Variants in LGMN observed in about 807,000 individuals in gnomAD.
LGMN encodes the protein legumain.
In LGMN, 36 loss-of-function variants were observed where a neutral mutation model predicts 56.8. The observed-to-expected ratio is 0.63, with a 90% CI of 0.49 to 0.84. The LOEUF (loss-of-function observed/expected upper bound fraction) is 0.84. LGMN is among the 40% of genes least tolerant of loss of function. The pLI is 0.00. For missense variants in LGMN, 446 were observed against 556.1 expected (o/e 0.80, Z 1.99); for synonymous variants, 199 against 210.1 (o/e 0.95, Z 0.46).
In LGMN at chr14:92,711,661, T is replaced by G. The variant is rs144545825; in HGVS notation, c.817A>C (p.Lys273Gln). 1.0e-4 allele frequency: 162 copies of G among 1,614,068 alleles called. No individual in the cohort carries two copies. The highest frequency in any genetic ancestry group is 3.8e-4 in the Admixed American group (23 of 60,014). Residue 273 changes from lysine (K) to glutamine (Q), a missense_variant and splice_region_variant, in exon 10 of 14, where the codon AAA (lysine) becomes CAA (glutamine). Physicochemically the swap from Lys to Gln is moderately conservative, Grantham distance 53. Coordinates refer to ENST00000334869, the MANE Select transcript of LGMN (RefSeq NM_005606.7). ...NTSHVMQYGN[K>Q]TISTMKVMQF... Reference sequence around the variant, plus strand: ...AGCACGCGAGGCTCCCGACTCACTTTGTTTCCATACTGCATGACGTGGCTG... The same window carrying G: ...AGCACGCGAGGCTCCCGACTCACTTGGTTTCCATACTGCATGACGTGGCTG...
At chr14:92,729,421 C>T (rs975469948) in intron 2 of LGMN, among the ~76,000 whole-genome samples, 8 of 141,242 alleles carry the variant, frequency 5.7e-5, no homozygotes, top group African/African-American at 2.2e-4. Flanking sequence ...TCACCCCATG[C>T]TCAGGACACA....
At chr14:92,745,389 T>C (rs1891772091) in intron 1 of LGMN, among the ~76,000 whole-genome samples, 3 of 152,220 alleles carry the variant, frequency 2.0e-5, no homozygotes, top group Non-Finnish European at 2.9e-5. Flanking sequence ...CATTAACCTA[T>C]AGAAATGTAC....
chr14:92,730,108 G>A (rs906815293), intron 2 of LGMN, among the ~76,000 whole-genome samples: 1 of 152,152 alleles, frequency 6.6e-6, no homozygotes, highest in Non-Finnish European at 1.5e-5. Context: ...GAGTAATCGT[G>A]TTAACTCTCT....
At position 92,703,829 on chromosome 14, in the gene LGMN, T is replaced by G; in HGVS notation, c.*490A>C. On this transcript the variant is annotated 3_prime_UTR_variant, in exon 14 of 14. Coordinates refer to ENST00000334869, the MANE Select transcript of LGMN (RefSeq NM_005606.7). ...GAATATTTGGGTTCTGTTATAAATC[T>G]TTATTTTTTAAGACTTGAACACCTG... 2 of 324,004 alleles carry G rather than the reference T, an allele frequency of 6.2e-6. No individual in the cohort carries two copies. Among genetic ancestry groups the G allele is most frequent in the Non-Finnish European group, 1.2e-5 (2 of 171,592 alleles). The allele number at this position is 324,004 out of a possible 1,614,324, so 20.1% of individuals were successfully genotyped here. A position where few individuals can be genotyped will look rare whatever the true frequency, so the allele number is the denominator to read the frequency against.
In LGMN at chr14:92,708,856, C is replaced by CAAAAAAAAAAAAAAAAAAA. The variant is rs58813848; in HGVS notation, c.1020+797_1020+815dup. Reference sequence around the variant, plus strand: ...TGGCGACAGAGCAAGACTCTTGTCTCAAAAAAAAAAAAAAAAAAAAAAAAA... The same window carrying CAAAAAAAAAAAAAAAAAAA: ...TGGCGACAGAGCAAGACTCTTGTCTCAAAAAAAAAAAAAAAAAAAAAAAAAAAAAAAAAAAAAAAAAAAA... On this transcript the variant is annotated intron_variant, in intron 11 of 13. Coordinates refer to ENST00000334869, the MANE Select transcript of LGMN (RefSeq NM_005606.7). Among the ~76,000 whole-genome samples the CAAAAAAAAAAAAAAAAAAA allele has an allele frequency of 2.9e-4, 21 of 71,640 alleles. 2 individuals are homozygous for CAAAAAAAAAAAAAAAAAAA. The highest frequency in any genetic ancestry group is 6.7e-4 in the African/African-American group (13 of 19,472). The allele number at this position is 71,640 out of a possible 152,430, so 47.0% of individuals were successfully genotyped here.
intron 4 of LGMN, among the ~76,000 whole-genome samples, chr14:92,716,612 A>T (rs1186423696): frequency 6.6e-6 from 1 of 152,202 alleles, no homozygotes; most frequent in Non-Finnish European, 1.5e-5. Flanking sequence ...CAGCCTGGGT[A>T]ACAGTGCAAG....
In LGMN at chr14:92,703,980, C is replaced by T. The variant is rs904592991; in HGVS notation, c.*339G>A. 1.7e-5 allele frequency: 10 copies of T among 604,262 alleles called. No individual in the cohort carries two copies. Among genetic ancestry groups the T allele is most frequent in the South Asian group, 1.5e-4 (8 of 51,718 alleles). The allele number at this position is 604,262 out of a possible 1,614,324, so 37.4% of individuals were successfully genotyped here. A position where few individuals can be genotyped will look rare whatever the true frequency, so the allele number is the denominator to read the frequency against. ...TAAAGAGGTTTCAGCTTCAAATTCTCAGAATAAAGACTCCTTTTGAGAGGG... is the reference window on the plus strand; with the variant it reads ...TAAAGAGGTTTCAGCTTCAAATTCTTAGAATAAAGACTCCTTTTGAGAGGG... On this transcript the variant is annotated 3_prime_UTR_variant, in exon 14 of 14. Transcript: ENST00000334869.
At chr14:92,720,105 GC>G (rs1335703464) in intron 2 of LGMN, among the ~76,000 whole-genome samples, 1 of 152,212 alleles carries the variant, frequency 6.6e-6, no homozygotes, top group Non-Finnish European at 1.5e-5. Context: ...TTGGTATACA[GC>G]TTTTGAAGGC....
intron 1 of LGMN, among the ~76,000 whole-genome samples, chr14:92,746,051 G>T (rs1311630033): frequency 6.6e-6 from 1 of 152,092 alleles, no homozygotes; most frequent in Non-Finnish European, 1.5e-5. Context: ...TTGATCTCCT[G>T]ACGTCATGAT....
At chr14:92,745,787 A>C (rs1480982997) in intron 1 of LGMN, among the ~76,000 whole-genome samples, 3 of 152,188 alleles carry the variant, frequency 2.0e-5, no homozygotes, top group African/African-American at 7.2e-5. Context: ...TACACTGCTC[A>C]AAGATACACT....
intron 1 of LGMN, among the ~76,000 whole-genome samples, chr14:92,738,301 CAG>C (rs1380260494): frequency 6.7e-6 from 1 of 148,430 alleles, no homozygotes; most frequent in African/African-American, 2.5e-5. Context: ...TTTTTTGAGA[CAG>C]AGTCTTGCTC....
chr14:92,719,183 TCACCACCACCGCCACCAA>T (rs1356012565), intron 2 of LGMN, among the ~76,000 whole-genome samples: 18 of 22,094 alleles, frequency 8.1e-4, no homozygotes, highest in Admixed American at 8.5e-4. Context: ...ACCACCACCA[TCACCACCACCGCCACCAA>T]CACCACCACC....
chr14:92,720,397 A>G (rs1674152058), intron 2 of LGMN, among the ~76,000 whole-genome samples: 1 of 152,226 alleles, frequency 6.6e-6, no homozygotes, highest in Non-Finnish European at 1.5e-5. Context: ...GCCAGGCACA[A>G]TGGCTCATGC....
chr14:92,718,614 C>T, intron 3 of LGMN, 133 bp downstream of exon 3: 1 of 510,216 alleles, frequency 2.0e-6, no homozygotes, highest in South Asian at 3.3e-5. Flanking sequence ...CATGAGGTAT[C>T]CCTGTGATCT....
intron 3 of LGMN, among the ~76,000 whole-genome samples, chr14:92,718,452 C>T (rs1256050984): frequency 6.6e-6 from 1 of 152,238 alleles, no homozygotes; most frequent in East Asian, 1.9e-4. Context: ...TGCACACCTG[C>T]AGTCCCAGCT....
rs192081867 is a variant in LGMN at position 92,746,920 on chromosome 14, T to C, written c.-30+1569A>G. Among the ~76,000 whole-genome samples, 1,295 of 150,356 alleles carry C rather than the reference T, an allele frequency of 8.6e-3. 16 individuals carry two copies. The highest frequency in any genetic ancestry group is 0.03 in the African/African-American group (1,215 of 40,848). ...GCGTGGTGGCGGGCGCCTGTAGTCC[T>C]AGCTACTCGGGAGGCCGAGGCAGGA... is the stretch of plus-strand genomic sequence containing the variant. On this transcript the variant is annotated intron_variant, in intron 1 of 13. Coordinates refer to ENST00000334869, the MANE Select transcript of LGMN (RefSeq NM_005606.7).
chr14:92,706,842 A>G (rs1889458789), intron 11 of LGMN, among the ~76,000 whole-genome samples, 189 bp from the exon 12 acceptor site: 1 of 152,164 alleles, frequency 6.6e-6, no homozygotes, highest in Admixed American at 6.5e-5. Flanking sequence ...TGCGACGGTC[A>G]GAAAGACCTG....
chr14:92,727,411 C>T (rs1217126473), intron 2 of LGMN, among the ~76,000 whole-genome samples: 1 of 120,746 alleles, frequency 8.3e-6, no homozygotes. Flanking sequence ...GCCTGGGTGG[C>T]AGAGCAAGAC....
chr14:92,746,315 CT>C, intron 1 of LGMN, among the ~76,000 whole-genome samples: 1 of 152,146 alleles, frequency 6.6e-6, no homozygotes. Flanking sequence ...CAACTTCCCC[CT>C]GATAAACTGG....
Sources: gnomAD v4.1 joint callset for allele counts (sites outside exome capture counted in the v4.1 genomes callset) on GRCh38, gnomAD v4.1.1 for gene constraint, MANE v1.5 for transcripts, NCBI Gene and HGNC (gene_info 2026-07-23, HGNC 2026-07-21) for gene names.